The following B3GALT1 variants were observed in gnomAD, a reference collection of about 807,000 sequenced individuals.
B3GALT1 encodes beta-1,3-galactosyltransferase 1.
Under a neutral mutation model 23.2 loss-of-function variants are expected in B3GALT1, and 10 were observed. That is an observed-to-expected ratio of 0.43 (90% confidence interval 0.27 to 0.73). The LOEUF (loss-of-function observed/expected upper bound fraction) is 0.73. B3GALT1 is among the 30% of genes least tolerant of loss of function. The pLI is 0.21. For synonymous variants in B3GALT1, 156 were observed against 141.5 expected (o/e 1.10, Z -0.73); for missense variants, 299 against 405.4 (o/e 0.74, Z 2.25).
chr2:167,710,730 C>T lies in B3GALT1; in HGVS notation c.-352+63764C>T, dbSNP rs149761468. Among the ~76,000 whole-genome samples the T allele has an allele frequency of 1.6e-3, 242 of 152,272 alleles. 2 individuals carry two copies. The highest frequency in any genetic ancestry group is 5.1e-3 in the African/African-American group (210 of 41,566). On this transcript the variant is annotated intron_variant, in intron 3 of 4. Transcript: ENST00000392690. ...TTGCTGAGTTTTTAAGTCTATTTAA[C>T]GTGATCATCCTTGGTTCCTCTTTTC...
rs543491684 is a variant in B3GALT1 at position 167,465,346 on chromosome 2, A to G, written c.-510-24831A>G. On this transcript the variant is annotated intron_variant, in intron 1 of 4. Transcript: ENST00000392690. ...ATTGTCTCAGTCTGTTCTTACTGCT[A>G]TAACAAAAATACCTTAGATTGGGTA... 5.4e-4 allele frequency among the ~76,000 whole-genome samples: 83 copies of G among 152,354 alleles called. 1 individual carries two copies. The highest frequency in any genetic ancestry group is 4.1e-3 in the South Asian group (20 of 4,828).
rs1697180521 is a variant in B3GALT1, at chr2:167,343,422, C to G, written c.-511+50088C>G. On this transcript the variant is annotated intron_variant, in intron 1 of 4. Transcript: ENST00000392690. ...AACACTCAGGGAATGTCTTTAGTTA[C>G]AAACATCAGAAAATCAGTTACAGGT... is the stretch of plus-strand genomic sequence containing the variant. 2.6e-5 allele frequency among the ~76,000 whole-genome samples: 4 copies of G among 152,106 alleles called. No individual in the cohort carries two copies. In the South Asian group the frequency reaches 8.3e-4, roughly 32 times the overall value.
At chr2:167,520,038 C>G (rs1344531067) in intron 2 of B3GALT1, among the ~76,000 whole-genome samples, 7 of 136,160 alleles carry the variant, frequency 5.1e-5, no homozygotes, top group African/African-American at 1.9e-4. Flanking sequence ...GAGTAAGACT[C>G]TATCTCAAAA....
intron 1 of B3GALT1, among the ~76,000 whole-genome samples, chr2:167,481,631 G>C (rs1699564403): frequency 6.6e-6 from 1 of 152,166 alleles, no homozygotes. Flanking sequence ...AAGCAACTGA[G>C]AAAGAATGAT....
chr2:167,339,421 G>A (rs139431897), intron 1 of B3GALT1, among the ~76,000 whole-genome samples: 17 of 148,970 alleles, frequency 1.1e-4, no homozygotes, highest in African/African-American at 3.7e-4. Context: ...GTGGATGTGG[G>A]GGGATGTAGG....
At chr2:167,421,450 A>G (rs1247048092) in intron 1 of B3GALT1, among the ~76,000 whole-genome samples, 1 of 152,220 alleles carries the variant, frequency 6.6e-6, no homozygotes, top group East Asian at 1.9e-4. Context: ...ATATTTAGTA[A>G]GCTCTCAGGT....
intron 1 of B3GALT1, among the ~76,000 whole-genome samples, chr2:167,389,471 G>A (rs1179656030): frequency 2.0e-5 from 3 of 152,086 alleles, no homozygotes; most frequent in Non-Finnish European, 4.4e-5. Flanking sequence ...AGTGTCTGCT[G>A]GAGAATGCCT....
At chr2:167,696,231 C>T (rs1686789531) in intron 3 of B3GALT1, among the ~76,000 whole-genome samples, 2 of 142,246 alleles carry the variant, frequency 1.4e-5, no homozygotes, top group African/African-American at 5.2e-5. Context: ...TCTGCCTTTT[C>T]TGCCTTTTAT....
chr2:167,551,041 G>C (rs893084968), intron 2 of B3GALT1, among the ~76,000 whole-genome samples: 1 of 133,606 alleles, frequency 7.5e-6, no homozygotes, highest in African/African-American at 3.8e-5. Context: ...AGAAAAGATG[G>C]TGGTGATGTC....
At chr2:167,578,410 C>T (rs555993678) in intron 2 of B3GALT1, among the ~76,000 whole-genome samples, 2 of 152,054 alleles carry the variant, frequency 1.3e-5, no homozygotes, top group East Asian at 3.9e-4. Context: ...AGTGTTACTA[C>T]TCTAATGAGA....
At chr2:167,619,691 AG>A (rs983031563) in intron 2 of B3GALT1, among the ~76,000 whole-genome samples, 1 of 152,130 alleles carries the variant, frequency 6.6e-6, no homozygotes, top group African/African-American at 2.4e-5. Flanking sequence ...TTATATGCAA[AG>A]GTCCCAATAT....
intron 1 of B3GALT1, among the ~76,000 whole-genome samples, chr2:167,483,520 A>C (rs1699586891): frequency 6.6e-6 from 1 of 152,216 alleles, no homozygotes; most frequent in South Asian, 2.1e-4. Flanking sequence ...TAAAATGTTA[A>C]CTGGTTTAAT....
chr2:167,533,533 A>G (rs774941946), intron 2 of B3GALT1, among the ~76,000 whole-genome samples: 4 of 151,988 alleles, frequency 2.6e-5, no homozygotes, highest in Non-Finnish European at 5.9e-5. Flanking sequence ...ATCCTTTTTT[A>G]TCTTGCTGTA....
intron 1 of B3GALT1, among the ~76,000 whole-genome samples, chr2:167,318,199 C>T (rs911815877): frequency 6.6e-6 from 1 of 151,774 alleles, no homozygotes; most frequent in Non-Finnish European, 1.5e-5. Context: ...TGGTGGCGGG[C>T]GCCTGTAATC....
At chr2:167,748,882 A>G (rs947829575) in intron 3 of B3GALT1, among the ~76,000 whole-genome samples, 2 of 152,182 alleles carry the variant, frequency 1.3e-5, no homozygotes, top group African/African-American at 4.8e-5. Context: ...AGTGATGAGA[A>G]TCATTCTTCC....
At chr2:167,393,680 T>G (rs1270790858) in intron 1 of B3GALT1, among the ~76,000 whole-genome samples, 1 of 152,256 alleles carries the variant, frequency 6.6e-6, no homozygotes, top group East Asian at 1.9e-4. Flanking sequence ...AATAACCTTT[T>G]GGAATTTCAT....
At chr2:167,318,324 C>CA (rs1696750836) in intron 1 of B3GALT1, among the ~76,000 whole-genome samples, 1 of 151,872 alleles carries the variant, frequency 6.6e-6, no homozygotes, top group Admixed American at 6.6e-5. Context: ...TGTCTCAAAA[C>CA]AAACAAACAA....
At chr2:167,559,293 A>C (rs1175309519) in intron 2 of B3GALT1, among the ~76,000 whole-genome samples, 1 of 152,176 alleles carries the variant, frequency 6.6e-6, no homozygotes, top group African/African-American at 2.4e-5. Context: ...ATCCACACCA[A>C]AAACCCATCT....
rs879294826 is a variant in B3GALT1, at chr2:167,633,490, GA to G, written c.-409-13409del. On this transcript the variant is annotated intron_variant, in intron 2 of 4. Coordinates refer to ENST00000392690, the MANE Select transcript of B3GALT1 (RefSeq NM_020981.4). ...GGAATATTTACCAAGCAAATGGAAA[GA>G]AAAAAAAAATAGCAACAACAAAAAA... Among the ~76,000 whole-genome samples, 546 of 142,596 alleles carry G rather than the reference GA, an allele frequency of 3.8e-3. 2 individuals are homozygous for G. Among genetic ancestry groups the G allele is most frequent in the African/African-American group, 4.9e-3 (190 of 38,992 alleles). 93.5% of individuals were successfully genotyped at this position (142,596 alleles called of 152,430 possible).
Sources: gnomAD v4.1 joint callset for allele counts (sites outside exome capture counted in the v4.1 genomes callset) on GRCh38, gnomAD v4.1.1 for gene constraint, MANE v1.5 for transcripts, NCBI Gene and HGNC (gene_info 2026-07-23, HGNC 2026-07-21) for gene names.